Variants in ST8SIA3 observed in about 807,000 individuals in gnomAD.
ST8SIA3 encodes the protein alpha-N-acetylneuraminate alpha-2,8-sialyltransferase ST8SIA3.
A neutral mutation model predicts 34.5 loss-of-function variants in ST8SIA3; 17 were observed. That is an observed-to-expected ratio of 0.49 (90% CI 0.34 to 0.74). The LOEUF is 0.74. Among genes scored for constraint, ST8SIA3 ranks in the 30% least tolerant of loss-of-function variants. The pLI, the probability that ST8SIA3 is intolerant of heterozygous loss-of-function variation, is 0.01. For synonymous variants in ST8SIA3, 172 were observed against 176.1 expected, an observed-to-expected ratio of 0.98 and a Z score of 0.19; for missense variants, 354 against 467.8, an observed-to-expected ratio of 0.76 and a Z score of 2.24.
intron 3 of ST8SIA3, among the ~76,000 whole-genome samples, chr18:57,359,191 G>A (rs1167742970): frequency 3.3e-5 from 5 of 152,148 alleles, no homozygotes; most frequent in African/African-American, 9.7e-5. Context: ...CATCTCCAAT[G>A]ATAAATACAC....
chr18:57,366,438 A>C lies in ST8SIA3; in HGVS notation c.*6161A>C, dbSNP rs1280771454. The C allele has an allele frequency of 6.6e-6, 1 of 152,534 alleles. No homozygotes were observed. The highest frequency in any genetic ancestry group is 2.4e-5 in the African/African-American group (1 of 41,424). The allele number at this position is 152,534 out of a possible 1,614,324, so 9.4% of individuals were successfully genotyped here. A position where few individuals can be genotyped will look rare whatever the true frequency, so the allele number is the denominator to read the frequency against. On this transcript the variant is annotated 3_prime_UTR_variant, in exon 4 of 4. Transcript: ENST00000324000. ...TTTAATTTAACTACCAGTTAAAACCATGTTTGGCTGATCTTTTTTAAAAAA... is the reference window on the plus strand; with the variant it reads ...TTTAATTTAACTACCAGTTAAAACCCTGTTTGGCTGATCTTTTTTAAAAAA...
At position 57,353,161 on chromosome 18, in the gene ST8SIA3, C is replaced by T. The variant is rs754412226; in HGVS notation, c.179+136C>T. 1.3e-3 allele frequency: 1,044 copies of T among 797,854 alleles called. 5 individuals are homozygous for T. Among genetic ancestry groups the T allele is most frequent in the Non-Finnish European group, 1.6e-3 (838 of 508,734 alleles). The allele number at this position is 797,854 out of a possible 1,614,324, so 49.4% of individuals were successfully genotyped here. A position where few individuals can be genotyped will look rare whatever the true frequency, so the allele number is the denominator to read the frequency against. On this transcript the variant is annotated intron_variant, in intron 1 of 3. Transcript: ENST00000324000. ...AGATAACTGCGCGGTCCTTCCACTC[C>T]TCTCTCTAATTCTCCCTTCCCCCTC...
chr18:57,362,257 TGA>T lies in ST8SIA3; in HGVS notation c.*1985_*1986del, dbSNP rs954821013. ...TCACACTGTGCTCTGTTGGGATCAC[TGA>T]GAGATTGACAACTGACAGAAGTGTT... On this transcript the variant is annotated 3_prime_UTR_variant, in exon 4 of 4. Transcript: ENST00000324000. 6.6e-6 allele frequency: 1 copy of T among 152,232 alleles called. No individual in the cohort carries two copies. The highest frequency in any genetic ancestry group is 2.4e-5 in the African/African-American group (1 of 41,460). The allele number at this position is 152,232 out of a possible 1,614,324, so 9.4% of individuals were successfully genotyped here. A position where few individuals can be genotyped will look rare whatever the true frequency, so the allele number is the denominator to read the frequency against.
chr18:57,353,548 G>C (rs2049778450), intron 1 of ST8SIA3, among the ~76,000 whole-genome samples: 1 of 152,182 alleles, frequency 6.6e-6, no homozygotes, highest in African/African-American at 2.4e-5. Context: ...GAAGCCCCTG[G>C]GGCGTTCTCT....
At chr18:57,357,585 A>T in intron 3 of ST8SIA3, 115 bp downstream of exon 3, 1 of 805,140 alleles carries the variant, frequency 1.2e-6, no homozygotes, top group Non-Finnish European at 2.0e-6. Flanking sequence ...GTTTAGTAGT[A>T]ATTAGAAGAA....
chr18:57,355,966 C>T (rs1268836828), intron 2 of ST8SIA3, among the ~76,000 whole-genome samples: 5 of 152,124 alleles, frequency 3.3e-5, no homozygotes, highest in East Asian at 1.9e-4. Context: ...TTCCAAGCAA[C>T]GGATGATGTG....
intron 1 of ST8SIA3, 140 bp downstream of exon 1, chr18:57,353,165 C>G (rs2144196363): frequency 1.3e-6 from 1 of 761,582 alleles, no homozygotes; most frequent in East Asian, 2.7e-5. Context: ...CCACTCCTCT[C>G]TCTAATTCTC....
Position 57,362,921 on chromosome 18 carries a change from C to T in ST8SIA3, c.*2644C>T, listed in dbSNP as rs927235666. On this transcript the variant is annotated 3_prime_UTR_variant, in exon 4 of 4. Coordinates refer to ENST00000324000, the MANE Select transcript of ST8SIA3 (RefSeq NM_015879.3). Reference sequence around the variant, plus strand: ...CTAATTAGAAAGGCAGCTGGCTCTCCTGCAGCTCCCAGGCTTGTGTAGTCA... The same window carrying T: ...CTAATTAGAAAGGCAGCTGGCTCTCTTGCAGCTCCCAGGCTTGTGTAGTCA... 6.6e-6 allele frequency: 1 copy of T among 152,282 alleles called. No homozygotes were observed. The highest frequency in any genetic ancestry group is 2.4e-5 in the African/African-American group (1 of 41,460). 9.4% of individuals were successfully genotyped at this position (152,282 alleles called of 1,614,324 possible).
rs1312666064 is a variant in ST8SIA3 at position 57,368,797 on chromosome 18, A to T, written c.*8520A>T. Reference sequence around the variant, plus strand: ...TATTGTGACTGTAGTTTGTGAAGAAAATGCAACCATTTGCTTCGACAGCTC... The same window carrying T: ...TATTGTGACTGTAGTTTGTGAAGAATATGCAACCATTTGCTTCGACAGCTC... On this transcript the variant is annotated 3_prime_UTR_variant, in exon 4 of 4. Coordinates refer to ENST00000324000, the MANE Select transcript of ST8SIA3 (RefSeq NM_015879.3). 1 of 152,252 alleles carries T rather than the reference A, an allele frequency of 6.6e-6. No homozygotes were observed. The highest frequency in any genetic ancestry group is 2.4e-5 in the African/African-American group (1 of 41,456). The allele number at this position is 152,252 out of a possible 1,614,324, so 9.4% of individuals were successfully genotyped here.
chr18:57,360,585 T>C lies in ST8SIA3; in HGVS notation c.*308T>C. 6.1e-6 allele frequency: 2 copies of C among 328,406 alleles called. No homozygotes were observed. The highest frequency in any genetic ancestry group is 1.1e-5 in the Non-Finnish European group (2 of 177,078). 20.3% of individuals were successfully genotyped at this position (328,406 alleles called of 1,614,324 possible). A position where few individuals can be genotyped will look rare whatever the true frequency, so the allele number is the denominator to read the frequency against. ...AATAATAAACTGCCTCTCATTTTTATGAGGACTAGAGCTATAGTTTCTGCA... is the reference window on the plus strand; with the variant it reads ...AATAATAAACTGCCTCTCATTTTTACGAGGACTAGAGCTATAGTTTCTGCA... On this transcript the variant is annotated 3_prime_UTR_variant, in exon 4 of 4. Coordinates refer to ENST00000324000, the MANE Select transcript of ST8SIA3 (RefSeq NM_015879.3).
Position 57,352,892 on chromosome 18 carries a change from G to C in ST8SIA3, c.46G>C (p.Val16Leu). Residue 16 changes from valine (V) to leucine (L), a missense_variant, in exon 1 of 4, where the codon GTC (valine) becomes CTC (leucine). Physicochemically the swap from Val to Leu is conservative, Grantham distance 32. Transcript: ENST00000324000. ...CCGGGTCGCCAGTGTGCTGGGGCTG[G>C]TCATGCTCAGCGTCGCCCTGCTGAT... ...MARVASVLGL[V>L]MLSVALLILS... 1 of 1,613,842 alleles carries C rather than the reference G, an allele frequency of 6.2e-7. No homozygotes were observed. The highest frequency in any genetic ancestry group is 1.1e-5 in the South Asian group (1 of 91,062).
rs1217499228 is a variant in ST8SIA3, at chr18:57,368,318, G to A, written c.*8041G>A. On this transcript the variant is annotated 3_prime_UTR_variant, in exon 4 of 4. Coordinates refer to ENST00000324000, the MANE Select transcript of ST8SIA3 (RefSeq NM_015879.3). ...AGAATAGTGTATCAGTATAGAAGGA[G>A]GAGCAAAGCTCTTTAAGAGTAATGA... 1 of 152,190 alleles carries A rather than the reference G, an allele frequency of 6.6e-6. No individual in the cohort carries two copies. The highest frequency in any genetic ancestry group is 2.4e-5 in the African/African-American group (1 of 41,442). 9.4% of individuals were successfully genotyped at this position (152,190 alleles called of 1,614,324 possible).
Position 57,353,996 on chromosome 18 carries a change from C to G in ST8SIA3, c.180-406C>G, listed in dbSNP as rs142819343. On this transcript the variant is annotated intron_variant, in intron 1 of 3. Coordinates refer to ENST00000324000, the MANE Select transcript of ST8SIA3 (RefSeq NM_015879.3). ...CCACCCCCAGACTTTCCCTGGGTCT[C>G]CGGTTTCCTCTGCCCTTTCTCCAAA... 7.0e-4 allele frequency among the ~76,000 whole-genome samples: 106 copies of G among 152,328 alleles called. 3 individuals are homozygous for G. In the East Asian group the frequency reaches 0.019, roughly 27 times the overall value.
Position 57,354,474 on chromosome 18 carries a change from A to G in ST8SIA3, c.252A>G (p.Gln84=), listed in dbSNP as rs989959002. 1.2e-5 allele frequency: 19 copies of G among 1,614,114 alleles called. No individual in the cohort carries two copies. The highest frequency in any genetic ancestry group is 1.5e-5 in the Non-Finnish European group (18 of 1,180,052). Residue 84 remains glutamine (Q), a synonymous_variant, in exon 2 of 4, where the codon CAA becomes CAG. Coordinates refer to ENST00000324000, the MANE Select transcript of ST8SIA3 (RefSeq NM_015879.3). Reference sequence around the variant, plus strand: ...CGAATTCTCTCACCCAGGAACTCCAAGAGAAACCTTCTAAGTGGAAATTTA... The same window carrying G: ...CGAATTCTCTCACCCAGGAACTCCAGGAGAAACCTTCTAAGTGGAAATTTA... ...PITNSLTQEL[Q]EKPSKWKFNR...
At position 57,365,585 on chromosome 18, in the gene ST8SIA3, A is replaced by C. The variant is rs1391050597; in HGVS notation, c.*5308A>C. 1 of 152,212 alleles carries C rather than the reference A, an allele frequency of 6.6e-6. No individual in the cohort carries two copies. Among genetic ancestry groups the C allele is most frequent in the Non-Finnish European group, 1.5e-5 (1 of 68,032 alleles). The allele number at this position is 152,212 out of a possible 1,614,324, so 9.4% of individuals were successfully genotyped here. A position where few individuals can be genotyped will look rare whatever the true frequency, so the allele number is the denominator to read the frequency against. On this transcript the variant is annotated 3_prime_UTR_variant, in exon 4 of 4. Transcript: ENST00000324000. Reference sequence around the variant, plus strand: ...AACAGGGAACTGAAGTGATTCATTCAGATTCAATTTGGAAGTCATTCCCAG... The same window carrying C: ...AACAGGGAACTGAAGTGATTCATTCCGATTCAATTTGGAAGTCATTCCCAG...
At position 57,352,732 on chromosome 18, in the gene ST8SIA3, TCACACACACA is replaced by T. The variant is rs59006823; in HGVS notation, c.-86_-77del. 63,833 of 388,568 alleles carry T rather than the reference TCACACACACA, an allele frequency of 0.16. 3,611 individuals are homozygous for T. Among genetic ancestry groups the T allele is most frequent in the Non-Finnish European group, 0.18 (35,747 of 201,494 alleles). 24.1% of individuals were successfully genotyped at this position (388,568 alleles called of 1,614,324 possible). A position where few individuals can be genotyped will look rare whatever the true frequency, so the allele number is the denominator to read the frequency against. ...CCTCCTCCGCCACACGCGCGCGCGC[TCACACACACA>T]CACACACACACACACACACACACAC... On this transcript the variant is annotated 5_prime_UTR_variant, in exon 1 of 4. Coordinates refer to ENST00000324000, the MANE Select transcript of ST8SIA3 (RefSeq NM_015879.3).
At chr18:57,355,673 A>T (rs886280375) in intron 2 of ST8SIA3, among the ~76,000 whole-genome samples, 1 of 152,190 alleles carries the variant, frequency 6.6e-6, no homozygotes. Flanking sequence ...TGGGTAGAAC[A>T]CATTCTAGCT....
At chr18:57,359,960 G>A in intron 3 of ST8SIA3, 35 bp from the exon 4 acceptor site, 3 of 1,588,292 alleles carry the variant, frequency 1.9e-6, no homozygotes, top group Non-Finnish European at 2.6e-6. Flanking sequence ...TTTCAACGCT[G>A]ACCTCTGAAT....
In ST8SIA3 at chr18:57,368,356, G is replaced by C. The variant is rs1412223412; in HGVS notation, c.*8079G>C. 6.6e-6 allele frequency: 1 copy of C among 152,146 alleles called. No homozygotes were observed. The highest frequency in any genetic ancestry group is 2.4e-5 in the African/African-American group (1 of 41,434). The allele number at this position is 152,146 out of a possible 1,614,324, so 9.4% of individuals were successfully genotyped here. A position where few individuals can be genotyped will look rare whatever the true frequency, so the allele number is the denominator to read the frequency against. On this transcript the variant is annotated 3_prime_UTR_variant, in exon 4 of 4. Transcript: ENST00000324000. ...TTAAGAGTAATGATGAAACCAAAAG[G>C]TCAAAAAGTAGAAGAATAGCGAATG...
Sources: allele counts gnomAD v4.1 joint callset (sites outside exome capture counted in the v4.1 genomes callset), GRCh38; gene constraint gnomAD v4.1.1; transcripts MANE v1.5; gene names NCBI Gene and HGNC (gene_info 2026-07-23, HGNC 2026-07-21).